GNG4: variants seen among roughly 807,000 people sequenced by gnomAD.
The protein encoded by GNG4 is G protein subunit gamma 4.
In GNG4, 4 loss-of-function variants were observed where a neutral mutation model predicts 5.8. The ratio of observed to expected loss-of-function variants is 0.69; its 90% CI spans 0.34 to 1.57. The LOEUF is 1.57. Among genes scored for constraint, GNG4 ranks in the 40% most tolerant of loss-of-function variants. GNG4 has a pLI of 0.06. For missense variants in GNG4, 96 were observed against 95.1 expected, an observed-to-expected ratio of 1.01 and a Z score of -0.04; for synonymous variants, 29 against 32.9, an observed-to-expected ratio of 0.88 and a Z score of 0.41.
chr1:235,596,878 A>G (rs1223188519), intron 1 of GNG4, among the ~76,000 whole-genome samples: 2 of 151,318 alleles, frequency 1.3e-5, no homozygotes, highest in Non-Finnish European at 2.9e-5. Flanking sequence ...GTCCACTACC[A>G]TGCCTGGCTA....
At chr1:235,586,601 C>T (rs1326029669) in intron 2 of GNG4, among the ~76,000 whole-genome samples, 3 of 152,202 alleles carry the variant, frequency 2.0e-5, no homozygotes, top group African/African-American at 7.2e-5. Flanking sequence ...CCAGATCAGT[C>T]AGGAAGGGCT....
intron 3 of GNG4, chr1:235,566,943 G>GTATTAT (rs59987385): frequency 2.0e-5 from 3 of 151,732 alleles, no homozygotes; most frequent in African/African-American, 7.3e-5. Flanking sequence ...TTTTTTTAAA[G>GTATTAT]TATTATTATT....
intron 3 of GNG4, among the ~76,000 whole-genome samples, chr1:235,558,457 G>A (rs908157130): frequency 6.6e-6 from 1 of 152,138 alleles, no homozygotes; most frequent in Non-Finnish European, 1.5e-5. Flanking sequence ...GGTAATGACC[G>A]TCTAAATGAG....
rs59428350 is a variant in GNG4, at chr1:235,622,873, C to CA, written c.-123+26788dup. ...CTGGTGACAGAGTAAGACTCCATCT[C>CA]AAAAAAAAAAAAAAAAAATAGCCAG... On this transcript the variant is annotated intron_variant, in intron 1 of 3. Coordinates refer to ENST00000391854, the MANE Select transcript of GNG4 (RefSeq NM_001098722.2). Among the ~76,000 whole-genome samples the CA allele has an allele frequency of 8.8e-3, 589 of 66,632 alleles. 13 individuals carry two copies. The highest frequency in any genetic ancestry group is 0.01 in the Non-Finnish European group (415 of 40,522). 43.7% of individuals were successfully genotyped at this position (66,632 alleles called of 152,430 possible). A position where few individuals can be genotyped will look rare whatever the true frequency, so the allele number is the denominator to read the frequency against.
rs972755663 is a variant in GNG4, at chr1:235,642,502, C to T, written c.-123+7160G>A. Among the ~76,000 whole-genome samples the T allele has an allele frequency of 3.9e-5, 6 of 152,086 alleles. No individual in the cohort carries two copies. Among genetic ancestry groups the T allele is most frequent in the Non-Finnish European group, 8.8e-5 (6 of 68,032 alleles). ...ATCAGAGGGACAAAGAAATCATAAA[C>T]AAGAGGCAGGATGCAACTGCTTCAA... On this transcript the variant is annotated intron_variant, in intron 1 of 3. Transcript: ENST00000391854. This position sits in a 1 kb window ranked among gnomAD's most constrained non-coding sequence, Gnocchi z 4.3.
At chr1:235,576,227 A>ATT (rs11403820) in intron 3 of GNG4, among the ~76,000 whole-genome samples, 144 of 148,886 alleles carry the variant, frequency 9.7e-4, no homozygotes, top group African/African-American at 3.0e-3. Context: ...TGCCGGGCTA[A>ATT]TTTTTTTTTT....
chr1:235,627,972 G>C (rs893161112), intron 1 of GNG4, among the ~76,000 whole-genome samples: 3 of 152,164 alleles, frequency 2.0e-5, no homozygotes, highest in Non-Finnish European at 4.4e-5. Context: ...CCTGAGGTCA[G>C]GAGTTCGATA....
chr1:235,605,845 C>A (rs1449852211), intron 1 of GNG4, among the ~76,000 whole-genome samples: 1 of 151,812 alleles, frequency 6.6e-6, no homozygotes, highest in Non-Finnish European at 1.5e-5. Context: ...TTGAGTGCCA[C>A]ACTAAGAGTG....
At chr1:235,571,498 T>C (rs1247623037) in intron 3 of GNG4, among the ~76,000 whole-genome samples, 1 of 152,240 alleles carries the variant, frequency 6.6e-6, no homozygotes, top group Non-Finnish European at 1.5e-5. Context: ...CCGCTATTAT[T>C]ATCATCTGTT....
intron 1 of GNG4, among the ~76,000 whole-genome samples, chr1:235,638,097 G>A (rs1216298139): frequency 6.6e-6 from 1 of 152,204 alleles, no homozygotes; most frequent in Non-Finnish European, 1.5e-5. Flanking sequence ...CCAGCTGCTG[G>A]ACTGCTGTTT....
At chr1:235,650,547 A>T (rs1558510235), upstream of GNG4, 1 of 151,884 alleles carries the variant, frequency 6.6e-6, no homozygotes, top group Non-Finnish European at 1.5e-5. Context: ...AACGCGGAAT[A>T]CCTGTGCGAA....
At chr1:235,629,020 T>C (rs1342604373) in intron 1 of GNG4, among the ~76,000 whole-genome samples, 2 of 151,576 alleles carry the variant, frequency 1.3e-5, no homozygotes, top group East Asian at 3.9e-4. Flanking sequence ...TTTGCTTTTT[T>C]GTTTGTTTGT....
At chr1:235,568,433 G>C (rs552437403) in intron 3 of GNG4, among the ~76,000 whole-genome samples, 3 of 152,182 alleles carry the variant, frequency 2.0e-5, no homozygotes, top group Non-Finnish European at 4.4e-5. Context: ...ATATTATCAT[G>C]TGTAAATTAA....
intron 1 of GNG4, among the ~76,000 whole-genome samples, chr1:235,616,561 C>G (rs145336795): frequency 6.6e-6 from 1 of 152,316 alleles, no homozygotes; most frequent in Non-Finnish European, 1.5e-5. Context: ...TTACAATGCT[C>G]TGTCCTAGGA....
chr1:235,624,177 A>T (rs111888133), intron 1 of GNG4, among the ~76,000 whole-genome samples: 10,967 of 149,154 alleles, frequency 0.074, 748 homozygotes, highest in African/African-American at 0.19. Flanking sequence ...ATCTTGGCTC[A>T]CTGCAACCTC....
intron 1 of GNG4, among the ~76,000 whole-genome samples, chr1:235,617,903 A>AAG (rs1292972587): frequency 6.9e-6 from 1 of 145,350 alleles, no homozygotes; most frequent in East Asian, 1.9e-4. Flanking sequence ...AAAAAAAAAA[A>AAG]AAAAAGAAAG....
intron 3 of GNG4, among the ~76,000 whole-genome samples, chr1:235,554,845 CAAAAAAAAAA>C (rs34093722): frequency 1.2e-5 from 1 of 84,414 alleles, no homozygotes; most frequent in African/African-American, 4.7e-5. Flanking sequence ...AACTCCATCT[CAAAAAAAAAA>C]AAAAAAAAAA....
Position 235,628,391 on chromosome 1 carries a change from G to A in GNG4, c.-123+21271C>T, listed in dbSNP as rs185682804. Reference sequence around the variant, plus strand: ...CCCTCTCTGCAAGCTGGGGTGGTTGGGGGCCACAAAGCCTTGTTAGGAGAC... The same window carrying A: ...CCCTCTCTGCAAGCTGGGGTGGTTGAGGGCCACAAAGCCTTGTTAGGAGAC... On this transcript the variant is annotated intron_variant, in intron 1 of 3. Coordinates refer to ENST00000391854, the MANE Select transcript of GNG4 (RefSeq NM_001098722.2). Among the ~76,000 whole-genome samples, 62 of 151,544 alleles carry A rather than the reference G, an allele frequency of 4.1e-4. No individual in the cohort carries two copies. In the East Asian group the frequency reaches 7.0e-3, roughly 17 times the overall value.
At chr1:235,631,209 A>G (rs1688925466) in intron 1 of GNG4, among the ~76,000 whole-genome samples, 1 of 152,040 alleles carries the variant, frequency 6.6e-6, no homozygotes, top group Admixed American at 6.6e-5. Flanking sequence ...GAGACTCTCC[A>G]CTTTAACTGA....
Sources: gnomAD v4.1 joint callset for allele counts (sites outside exome capture counted in the v4.1 genomes callset) on GRCh38, gnomAD v4.1.1 for gene constraint, Gnocchi (gnomAD v3.1) non-coding constraint, MANE v1.5 for transcripts, NCBI Gene and HGNC (gene_info 2026-07-23, HGNC 2026-07-21) for gene names.